TTC39C: variants seen among roughly 807,000 people sequenced by gnomAD.
The protein encoded by TTC39C is tetratricopeptide repeat domain 39C, also known as tetratricopeptide repeat protein 39C.
A neutral mutation model predicts 76.3 loss-of-function variants in TTC39C; 33 were observed. The observed-to-expected ratio is 0.43, with a 90% CI of 0.33 to 0.58. TTC39C has a LOEUF of 0.58. TTC39C is among the 20% of genes least tolerant of loss of function. The pLI is 0.04. For synonymous variants in TTC39C, 254 were observed against 260.6 expected, an observed-to-expected ratio of 0.97 and a Z score of 0.24; for missense variants, 595 against 701.4, an observed-to-expected ratio of 0.85 and a Z score of 1.71.
chr18:24,130,566 C>A (rs1311628296), intron 12 of TTC39C, 149 bp downstream of exon 12: 1 of 254,840 alleles, frequency 3.9e-6, no homozygotes, highest in Non-Finnish European at 7.1e-6. Context: ...TAGAATGAAT[C>A]CAAGAAGTTA....
At chr18:24,089,126 A>C (rs2084484379) in intron 6 of TTC39C, among the ~76,000 whole-genome samples, 1 of 152,184 alleles carries the variant, frequency 6.6e-6, no homozygotes, top group Non-Finnish European at 1.5e-5. Context: ...ATCAGATAGA[A>C]GAAAGAACAG....
upstream of TTC39C, among the ~76,000 whole-genome samples, chr18:24,014,007 C>A (rs1762906717): frequency 6.6e-6 from 1 of 152,274 alleles, no homozygotes; most frequent in South Asian, 2.1e-4. Flanking sequence ...TCTCCTCCTG[C>A]CCCACTGCGC....
At position 24,132,818 on chromosome 18, in the gene TTC39C, G is replaced by A. The variant is rs2085149532; in HGVS notation, c.*244G>A. The A allele has an allele frequency of 5.3e-6, 2 of 380,632 alleles. No homozygotes were observed. Among genetic ancestry groups the A allele is most frequent in the Non-Finnish European group, 9.3e-6 (2 of 214,920 alleles). The allele number at this position is 380,632 out of a possible 1,614,324, so 23.6% of individuals were successfully genotyped here. A position where few individuals can be genotyped will look rare whatever the true frequency, so the allele number is the denominator to read the frequency against. On this transcript the variant is annotated 3_prime_UTR_variant, in exon 14 of 14. Coordinates refer to ENST00000317571, the MANE Select transcript of TTC39C (RefSeq NM_001135993.2). Reference sequence around the variant, plus strand: ...ACTAACCACCTGGGGAGAGGGTTAAGTGACCTTGCTCAAACGTTTTAGTTT... The same window carrying A: ...ACTAACCACCTGGGGAGAGGGTTAAATGACCTTGCTCAAACGTTTTAGTTT...
At chr18:24,048,692 C>G (rs1254767203) in intron 1 of TTC39C, among the ~76,000 whole-genome samples, 4 of 151,912 alleles carry the variant, frequency 2.6e-5, no homozygotes, top group African/African-American at 9.7e-5. Flanking sequence ...GCACTCTGCT[C>G]CTGTTCATTA....
rs2083430974 is a variant in TTC39C at position 24,014,868 on chromosome 18, G to T, written c.-4G>T. 1.5e-6 allele frequency: 2 copies of T among 1,349,558 alleles called. No individual in the cohort carries two copies. The highest frequency in any genetic ancestry group is 3.1e-5 in the African/African-American group (2 of 64,390). The allele number at this position is 1,349,558 out of a possible 1,614,324, so 83.6% of individuals were successfully genotyped here. On this transcript the variant is annotated 5_prime_UTR_variant, in exon 1 of 14. Transcript: ENST00000317571. ...CTCGGCCCAGCGCAGGGCCTCGCACGCCCATGGCCGGCTCGGAGCAGCAGC... is the reference window on the plus strand; with the variant it reads ...CTCGGCCCAGCGCAGGGCCTCGCACTCCCATGGCCGGCTCGGAGCAGCAGC...
At chr18:24,036,970 G>A (rs1223163044) in intron 1 of TTC39C, among the ~76,000 whole-genome samples, 2 of 152,152 alleles carry the variant, frequency 1.3e-5, no homozygotes, top group Non-Finnish European at 2.9e-5. Context: ...CATGTCATCT[G>A]TAAACAGAGA....
chr18:24,119,720 A>G (rs1377139223), intron 8 of TTC39C, among the ~76,000 whole-genome samples: 1 of 152,218 alleles, frequency 6.6e-6, no homozygotes, highest in Non-Finnish European at 1.5e-5. Flanking sequence ...ATTGTTGTAT[A>G]GAATTTGAAG....
In TTC39C at chr18:24,128,889, GC is replaced by G; in HGVS notation, c.1426del (p.His476MetfsTer11). 2 of 1,612,610 alleles carry G rather than the reference GC, an allele frequency of 1.2e-6. No homozygotes were observed. The highest frequency in any genetic ancestry group is 1.7e-6 in the Non-Finnish European group (2 of 1,179,454). ...FPNLQRMSQACHEVDDSSVVG... is the reference protein window; with the variant it reads ...FPNLQRMSQAXHEVDDSSVVG... ...GTTCACTCCCCTTCTTTTTAAGCTT[GC>G]CATGAAGTGGATGACTCATCTGTTG... On this transcript the variant is annotated frameshift_variant, in exon 11 of 14. Transcript: ENST00000317571. LOFTEE classifies it high-confidence loss of function.
chr18:24,001,687 T>A (rs901338419), intron 1 of TTC39C: 4 of 152,284 alleles, frequency 2.6e-5, no homozygotes, highest in African/African-American at 7.2e-5. Flanking sequence ...AAAGTGTTGC[T>A]GCATTACTCT....
chr18:24,118,521 G>C (rs989192571), intron 8 of TTC39C, among the ~76,000 whole-genome samples: 30 of 152,116 alleles, frequency 2.0e-4, no homozygotes, highest in African/African-American at 6.8e-4. Flanking sequence ...CATATTATGA[G>C]GTCTTCCCCG....
chr18:24,134,468 G>A lies in TTC39C; in HGVS notation c.*1894G>A, dbSNP rs1007536572. The A allele has an allele frequency of 6.6e-6, 1 of 151,522 alleles. No individual in the cohort carries two copies. The highest frequency in any genetic ancestry group is 2.4e-5 in the African/African-American group (1 of 41,186). The allele number at this position is 151,522 out of a possible 1,614,324, so 9.4% of individuals were successfully genotyped here. ...TTTTTTGTATTTTTAGTAGAGATGG[G>A]GTTTCACCATGTTAGCCAGGATTGT... On this transcript the variant is annotated 3_prime_UTR_variant, in exon 14 of 14. Transcript: ENST00000317571.
Position 24,128,957 on chromosome 18 carries a change from C to G in TTC39C, c.1492C>G (p.Leu498Val), listed in dbSNP as rs2085086135. 1 of 1,613,408 alleles carries G rather than the reference C, an allele frequency of 6.2e-7. No individual in the cohort carries two copies. Among genetic ancestry groups the G allele is most frequent in the Non-Finnish European group, 8.5e-7 (1 of 1,179,724 alleles). ...GCTTCTTGGTGCCATACACAAATGT[C>G]TAGGAAACTCAGAAGATGCTGTTCA... ...YLLLGAIHKCLGNSEDAVQYF... is the reference protein window; with the variant it reads ...YLLLGAIHKCVGNSEDAVQYF... Residue 498 changes from leucine to valine, a missense_variant, in exon 11 of 14, where the codon CTA becomes GTA. Leu to Val is a conservative substitution (Grantham distance 32, BLOSUM62 1). Transcript: ENST00000317571.
At chr18:24,125,676 C>G in intron 10 of TTC39C, 126 bp downstream of exon 10, 1 of 1,273,360 alleles carries the variant, frequency 7.9e-7, no homozygotes, top group South Asian at 1.4e-5. Flanking sequence ...GTACACATCT[C>G]TCCTTAGATA....
At chr18:24,104,918 C>A (rs867280113) in intron 6 of TTC39C, among the ~76,000 whole-genome samples, 2 of 152,124 alleles carry the variant, frequency 1.3e-5, no homozygotes, top group South Asian at 4.2e-4. Context: ...AGCTCCATCT[C>A]CCCCATCAAG....
In TTC39C at chr18:24,083,412, A is replaced by G. The variant is rs371729376; in HGVS notation, c.984+331A>G. On this transcript the variant is annotated intron_variant, in intron 6 of 13. Coordinates refer to ENST00000317571, the MANE Select transcript of TTC39C (RefSeq NM_001135993.2). ...AAAATACAATTTTTTTCCCTCTCTGAATTACTAATAATCTCTTTCTAAACT... is the reference window on the plus strand; with the variant it reads ...AAAATACAATTTTTTTCCCTCTCTGGATTACTAATAATCTCTTTCTAAACT... Among the ~76,000 whole-genome samples, 44 of 152,286 alleles carry G rather than the reference A, an allele frequency of 2.9e-4. No individual in the cohort carries two copies. The East Asian group carries it at 3.7e-3, about 13-fold the overall frequency.
At chr18:24,012,747 G>A (rs1314328248), upstream of TTC39C, among the ~76,000 whole-genome samples, 4 of 151,974 alleles carry the variant, frequency 2.6e-5, no homozygotes, top group Admixed American at 2.0e-4. Context: ...GGGTGACCTC[G>A]GGCAGTGTGT....
At chr18:24,110,994 C>CTT (rs146269943) in intron 6 of TTC39C, among the ~76,000 whole-genome samples, 32 of 144,110 alleles carry the variant, frequency 2.2e-4, no homozygotes, top group South Asian at 1.1e-3. Flanking sequence ...CAGAGAAAGA[C>CTT]TTTTTTTTTT....
rs183966938 is a variant in TTC39C at position 24,052,765 on chromosome 18, G to A, written c.168-11375G>A. On this transcript the variant is annotated intron_variant, in intron 1 of 13. Transcript: ENST00000317571. ...CAGGAGCAGGCTCAGTGTCAGCTAC[G>A]TACTATGGGAAAACATTGAGAATTG... 2.1e-4 allele frequency among the ~76,000 whole-genome samples: 32 copies of A among 152,232 alleles called. 1 individual carries two copies. In the East Asian group the frequency reaches 5.0e-3, roughly 24 times the overall value.
chr18:24,098,886 C>T (rs2084635296), intron 6 of TTC39C, among the ~76,000 whole-genome samples: 1 of 151,844 alleles, frequency 6.6e-6, no homozygotes, highest in Non-Finnish European at 1.5e-5. Flanking sequence ...CCTGCCTTGG[C>T]CTCCCAAAGT....
Sources: gnomAD v4.1 joint callset for allele counts (sites outside exome capture counted in the v4.1 genomes callset) on GRCh38, gnomAD v4.1.1 for gene constraint, MANE v1.5 for transcripts, NCBI Gene and HGNC (gene_info 2026-07-23, HGNC 2026-07-21) for gene names.